SMG6: variants seen among roughly 807,000 people sequenced by gnomAD.
SMG6 encodes the protein telomerase-binding protein EST1A.
A neutral mutation model predicts 142.2 loss-of-function variants in SMG6; 66 were observed. The observed-to-expected ratio is 0.46, with a 90% CI of 0.38 to 0.57. The LOEUF is 0.57. SMG6 is among the 20% of genes least tolerant of loss of function. The pLI, the probability that SMG6 is intolerant of heterozygous loss-of-function variation, is 0.00. For missense variants in SMG6, 1,793 were observed against 1,832.0 expected, an observed-to-expected ratio of 0.98 and a Z score of 0.39; for synonymous variants, 779 against 702.4, an observed-to-expected ratio of 1.11 and a Z score of -1.72.
At chr17:2,084,875 C>T (rs1271943345) in intron 14 of SMG6, among the ~76,000 whole-genome samples, 1 of 152,196 alleles carries the variant, frequency 6.6e-6, no homozygotes, top group Non-Finnish European at 1.5e-5. Flanking sequence ...CACAGCAGGG[C>T]AGCTGGAAGT....
At chr17:2,195,045 C>A (rs7213756) in intron 10 of SMG6, among the ~76,000 whole-genome samples, 56,937 of 151,920 alleles carry the variant, frequency 0.37, 11,263 homozygotes, top group African/African-American at 0.49. Flanking sequence ...TAGCAAGAGG[C>A]GGCCTGGGAA....
rs1293969970 is a variant in SMG6 at position 2,139,038 on chromosome 17, TCAA to T, written c.3357+33617_3357+33619del. ...ACTGCCTGAAGTTATGACATCTGGCTCAAGGCCAGCAGAACAAGCCAGCTCCTC... is the reference window on the plus strand; with the variant it reads ...ACTGCCTGAAGTTATGACATCTGGCTGGCCAGCAGAACAAGCCAGCTCCTC... On this transcript the variant is annotated intron_variant, in intron 13 of 18. Coordinates refer to ENST00000263073, the MANE Select transcript of SMG6 (RefSeq NM_017575.5). 7.2e-5 allele frequency among the ~76,000 whole-genome samples: 11 copies of T among 152,284 alleles called. No individual in the cohort carries two copies. The South Asian group carries it at 1.0e-3, about 14-fold the overall frequency.
At chr17:2,067,516 G>A (rs979661206) in intron 16 of SMG6, among the ~76,000 whole-genome samples, 1 of 152,184 alleles carries the variant, frequency 6.6e-6, no homozygotes, top group Non-Finnish European at 1.5e-5. Context: ...AAGGCAGCCC[G>A]CCCCAGCGAG....
At chr17:2,119,203 A>T (rs1020313861) in intron 13 of SMG6, among the ~76,000 whole-genome samples, 1 of 151,878 alleles carries the variant, frequency 6.6e-6, no homozygotes, top group Non-Finnish European at 1.5e-5. Flanking sequence ...GATTATAGGC[A>T]TGTGCCACCA....
chr17:2,250,194 G>C (rs1479469947), intron 8 of SMG6, among the ~76,000 whole-genome samples: 1 of 152,134 alleles, frequency 6.6e-6, no homozygotes, highest in Non-Finnish European at 1.5e-5. Flanking sequence ...TCTGAAACAG[G>C]CCCAATTTCA....
chr17:2,140,626 T>TG (rs1436173358), intron 13 of SMG6, among the ~76,000 whole-genome samples: 1 of 147,896 alleles, frequency 6.8e-6, no homozygotes, highest in East Asian at 2.0e-4. Context: ...GAGCCGAGAT[T>TG]GCACCACTGC....
intron 11 of SMG6, 24 bp from the exon 12 acceptor site, chr17:2,186,855 T>C (rs948682300): frequency 1.9e-6 from 3 of 1,611,594 alleles, no homozygotes; most frequent in Non-Finnish European, 2.5e-6. Context: ...GGGTGAGAAC[T>C]GGGCCTATGT....
chr17:2,122,643 C>T (rs932483379), intron 13 of SMG6: 6 of 152,142 alleles, frequency 3.9e-5, no homozygotes, highest in African/African-American at 1.4e-4. Context: ...GGGGCAATGG[C>T]GAAGCTAAGT....
At chr17:2,088,446 C>A in intron 13 of SMG6, 1 of 985,408 alleles carries the variant, frequency 1.0e-6, no homozygotes, top group Non-Finnish European at 1.2e-6. Context: ...ATTTCCGCCC[C>A]ATTTAGAAGG....
chr17:2,214,282 C>T (rs1046173141), intron 10 of SMG6: 1 of 152,374 alleles, frequency 6.6e-6, no homozygotes, highest in Non-Finnish European at 1.5e-5. Context: ...ACAGATCCTG[C>T]CTGGACTCTC....
intron 13 of SMG6, 125 bp from the exon 14 acceptor site, chr17:2,086,026 A>G: frequency 1.0e-6 from 1 of 978,530 alleles, no homozygotes; most frequent in African/African-American, 1.6e-5. Context: ...GGGGGTCAGA[A>G]TGAATGACGG....
rs187138401 is a variant in SMG6 at position 2,069,854 on chromosome 17, C to T, written c.3682-923G>A. On this transcript the variant is annotated intron_variant, in intron 15 of 18. Coordinates refer to ENST00000263073, the MANE Select transcript of SMG6 (RefSeq NM_017575.5). ...TTTCTGTTCTACCTCTGCTCCTTTG[C>T]CACGAATCTGTACCAGCTACACTAT... Among the ~76,000 whole-genome samples the T allele has an allele frequency of 2.2e-3, 339 of 152,294 alleles. 4 individuals are homozygous for T. Among genetic ancestry groups the T allele is most frequent in the South Asian group, 0.02 (96 of 4,824 alleles).
intron 8 of SMG6, among the ~76,000 whole-genome samples, chr17:2,279,091 T>C (rs932154534): frequency 3.9e-5 from 6 of 152,076 alleles, no homozygotes; most frequent in Non-Finnish European, 8.8e-5. Context: ...ACCAGAAATG[T>C]GGTTATTACA....
At chr17:2,120,793 C>T (rs2151517328) in intron 13 of SMG6, among the ~76,000 whole-genome samples, 1 of 152,206 alleles carries the variant, frequency 6.6e-6, no homozygotes, top group East Asian at 1.9e-4. Flanking sequence ...TGATATATCA[C>T]CAGTCACCAC....
At chr17:2,064,864 C>G (rs1276621452) in intron 18 of SMG6, among the ~76,000 whole-genome samples, 1 of 151,572 alleles carries the variant, frequency 6.6e-6, no homozygotes, top group Non-Finnish European at 1.5e-5. Context: ...CTAGGCTCAT[C>G]TCTAGTTGGC....
intron 13 of SMG6, among the ~76,000 whole-genome samples, chr17:2,089,273 G>A (rs2232475): frequency 0.021 from 3,146 of 152,240 alleles, 62 homozygotes; most frequent in South Asian, 0.067. Flanking sequence ...AAAGAGCTGG[G>A]CGGGAGAGGC....
intron 13 of SMG6, among the ~76,000 whole-genome samples, chr17:2,160,213 T>C (rs1025533804): frequency 6.6e-6 from 1 of 152,190 alleles, no homozygotes; most frequent in Non-Finnish European, 1.5e-5. Context: ...GTATTAACTA[T>C]AAATTTATTT....
At chr17:2,213,789 C>T (rs1483723843) in intron 10 of SMG6, 3 of 152,204 alleles carry the variant, frequency 2.0e-5, no homozygotes, top group Non-Finnish European at 1.5e-5. Context: ...ACGGATCCCA[C>T]CCCACTCTGA....
intron 13 of SMG6, among the ~76,000 whole-genome samples, chr17:2,086,894 G>T (rs2068576788): frequency 6.6e-6 from 1 of 152,208 alleles, no homozygotes; most frequent in South Asian, 2.1e-4. Context: ...TCTGGAGCTT[G>T]AAAGCTGAAG....
Sources: gnomAD v4.1 joint callset for allele counts (sites outside exome capture counted in the v4.1 genomes callset) on GRCh38, gnomAD v4.1.1 for gene constraint, MANE v1.5 for transcripts, NCBI Gene and HGNC (gene_info 2026-07-23, HGNC 2026-07-21) for gene names.